The following ZFPM1 variants were observed in gnomAD, a reference collection of about 807,000 sequenced individuals.
ZFPM1 encodes the protein zinc finger protein ZFPM1.
Under a neutral mutation model 46.3 loss-of-function variants are expected in ZFPM1, and 28 were observed. The observed-to-expected ratio is 0.60, with a 90% CI of 0.45 to 0.83. The LOEUF (loss-of-function observed/expected upper bound fraction) is 0.83. Ranked by LOEUF, ZFPM1 falls within the 40% of genes least tolerant of loss-of-function variation. The pLI is 0.00. For synonymous variants in ZFPM1, 957 were observed against 675.9 expected (o/e 1.42, Z -6.45); for missense variants, 1,878 against 1,432.4 (o/e 1.31, Z -5.02).
At chr16:88,523,701 C>G (rs1477418226) in intron 4 of ZFPM1, among the ~76,000 whole-genome samples, 1 of 152,196 alleles carries the variant, frequency 6.6e-6, no homozygotes, top group South Asian at 2.1e-4. Context: ...GAAGTAGGAG[C>G]GGCAGGCCCC....
intron 3 of ZFPM1, among the ~76,000 whole-genome samples, chr16:88,507,080 C>T (rs1214241085): frequency 2.0e-5 from 3 of 152,142 alleles, no homozygotes; most frequent in South Asian, 2.1e-4. Context: ...AGGGGCTTCA[C>T]GGAGGGCCCA....
At position 88,533,542 on chromosome 16, in the gene ZFPM1, G is replaced by A; in HGVS notation, c.1584G>A (p.Gln528=). Residue 528 remains glutamine (Q), a synonymous_variant, in exon 10 of 10, where the codon CAG becomes CAA. Coordinates refer to ENST00000319555, the MANE Select transcript of ZFPM1 (RefSeq NM_153813.3). ...TGGCCGGGGCCCTGTTCCTTCCGCA[G>A]TACGTGTTCGGGCCCGACGCGGCGC... is the stretch of plus-strand genomic sequence containing the variant. ...LGLAGALFLP[Q]YVFGPDAAPP... is the part of the protein sequence containing the mutation. 6.8e-7 allele frequency: 1 copy of A among 1,470,608 alleles called. No individual in the cohort carries two copies. The highest frequency in any genetic ancestry group is 9.0e-7 in the Non-Finnish European group (1 of 1,113,006). 91.1% of individuals were successfully genotyped at this position (1,470,608 alleles called of 1,614,324 possible).
chr16:88,490,633 C>T (rs554783549), intron 3 of ZFPM1, among the ~76,000 whole-genome samples: 16 of 152,280 alleles, frequency 1.1e-4, no homozygotes, highest in Non-Finnish European at 1.8e-4. Flanking sequence ...AGTAGGCAGC[C>T]GCTTGTTTAA....
At chr16:88,478,446 G>A (rs771092763) in intron 1 of ZFPM1, among the ~76,000 whole-genome samples, 3 of 152,220 alleles carry the variant, frequency 2.0e-5, no homozygotes, top group Admixed American at 6.5e-5. Flanking sequence ...CTCCATCAGC[G>A]TCTGCGTCTA....
chr16:88,464,081 G>T (rs887838700), intron 1 of ZFPM1, among the ~76,000 whole-genome samples: 4 of 152,246 alleles, frequency 2.6e-5, no homozygotes, highest in African/African-American at 9.6e-5. Flanking sequence ...AATCCTTGGG[G>T]GCTGGAAGGA....
At chr16:88,467,860 G>A (rs961422662) in intron 1 of ZFPM1, among the ~76,000 whole-genome samples, 1 of 152,156 alleles carries the variant, frequency 6.6e-6, no homozygotes, top group Non-Finnish European at 1.5e-5. Flanking sequence ...AAAAAAGGGC[G>A]ATGCGTGCTG....
At chr16:88,496,535 G>T (rs1381261398) in intron 3 of ZFPM1, among the ~76,000 whole-genome samples, 1 of 152,046 alleles carries the variant, frequency 6.6e-6, no homozygotes, top group African/African-American at 2.4e-5. Flanking sequence ...GAGGCCTGGG[G>T]TACCCTGCGG....
chr16:88,515,068 G>A (rs1911213901), intron 4 of ZFPM1, among the ~76,000 whole-genome samples: 1 of 152,236 alleles, frequency 6.6e-6, no homozygotes, highest in Admixed American at 6.5e-5. Flanking sequence ...CGTTTGTCTT[G>A]GATGTACTTC....
Position 88,533,992 on chromosome 16 carries a change from C to T in ZFPM1, c.2034C>T (p.Asp678=), listed in dbSNP as rs757716198. The change falls in exon 10 of 10, where the codon GAC becomes GAT. Residue 678 remains aspartate (D), a synonymous_variant. Coordinates refer to ENST00000319555, the MANE Select transcript of ZFPM1 (RefSeq NM_153813.3). ...GTAGCTCCGTGGACGACGCGGAGGA[C>T]GACCCCAGCCGCACGCTGTGCGAGG... ...SPGSSVDDAE[D]DPSRTLCEAC... The T allele has an allele frequency of 7.3e-7, 1 of 1,365,436 alleles. No homozygotes were observed. The highest frequency in any genetic ancestry group is 9.6e-7 in the Non-Finnish European group (1 of 1,043,496). The allele number at this position is 1,365,436 out of a possible 1,614,324, so 84.6% of individuals were successfully genotyped here.
intron 3 of ZFPM1, among the ~76,000 whole-genome samples, chr16:88,501,858 G>A (rs1001933955): frequency 6.6e-6 from 1 of 152,136 alleles, no homozygotes; most frequent in Non-Finnish European, 1.5e-5. Flanking sequence ...TGCCACTGCT[G>A]TTTGCCATGG....
intron 5 of ZFPM1, among the ~76,000 whole-genome samples, chr16:88,527,376 G>A (rs896906623): frequency 6.6e-6 from 1 of 152,342 alleles, no homozygotes; most frequent in Admixed American, 6.5e-5. Flanking sequence ...TTGCCGTGCT[G>A]CTGCTACTGA....
Position 88,453,446 on chromosome 16 carries a change from G to A in ZFPM1, c.-193G>A, listed in dbSNP as rs1907376266. 6.5e-6 allele frequency: 1 copy of A among 154,604 alleles called. No individual in the cohort carries two copies. The highest frequency in any genetic ancestry group is 2.0e-4 in the South Asian group (1 of 4,938). The allele number at this position is 154,604 out of a possible 1,614,324, so 9.6% of individuals were successfully genotyped here. ...CGCGCGCCCGCAACGCAGGACCGTG[G>A]CCTCTCGGGCCTCCGCGGCAGCTCC... On this transcript the variant is annotated 5_prime_UTR_variant, in exon 1 of 10. Transcript: ENST00000319555.
chr16:88,526,684 T>G, intron 4 of ZFPM1, 130 bp from the exon 5 acceptor site: 1 of 980,754 alleles, frequency 1.0e-6, no homozygotes, highest in Admixed American at 2.4e-5. Flanking sequence ...GGCCAATGAC[T>G]GTCCACAGCT....
At chr16:88,496,431 G>C (rs1248251451) in intron 3 of ZFPM1, among the ~76,000 whole-genome samples, 1 of 151,978 alleles carries the variant, frequency 6.6e-6, no homozygotes, top group Non-Finnish European at 1.5e-5. Context: ...TGCAGTTCCC[G>C]GGCAAGCAAT....
At chr16:88,486,634 ACTAGGTGCACAGTGGATCGGTC>A (rs1909241551) in intron 2 of ZFPM1, among the ~76,000 whole-genome samples, 1 of 137,814 alleles carries the variant, frequency 7.3e-6, no homozygotes, top group South Asian at 2.4e-4. Context: ...CACAGTGGGT[ACTAGGTGCACAGTGGATCGGTC>A]CTGGGTGCAC....
At chr16:88,492,065 C>G (rs1367401911) in intron 3 of ZFPM1, among the ~76,000 whole-genome samples, 1 of 152,132 alleles carries the variant, frequency 6.6e-6, no homozygotes, top group Non-Finnish European at 1.5e-5. Flanking sequence ...CTCTCTGATG[C>G]TCCATCTTGT....
chr16:88,475,610 C>T (rs1227771045), intron 1 of ZFPM1, among the ~76,000 whole-genome samples: 5 of 152,122 alleles, frequency 3.3e-5, no homozygotes. Context: ...CTGTGAGGAC[C>T]CCAAGGACAA....
At chr16:88,521,930 T>C (rs946606522) in intron 4 of ZFPM1, 1 of 149,602 alleles carries the variant, frequency 6.7e-6, no homozygotes, top group Non-Finnish European at 1.5e-5. Context: ...CTCCTCACCC[T>C]CCAGGTCTCG....
At chr16:88,531,743 C>T (rs887945578) in intron 6 of ZFPM1, among the ~76,000 whole-genome samples, 1 of 152,214 alleles carries the variant, frequency 6.6e-6, no homozygotes. Context: ...ATGGGGCTCA[C>T]CATTGGAAGG....
Sources: allele counts gnomAD v4.1 joint callset (sites outside exome capture counted in the v4.1 genomes callset), GRCh38; gene constraint gnomAD v4.1.1; transcripts MANE v1.5; gene names NCBI Gene and HGNC (gene_info 2026-07-23, HGNC 2026-07-21).